The following SLIT3 variants were observed in gnomAD, a reference collection of about 807,000 sequenced individuals.
The protein encoded by SLIT3 is slit guidance ligand 3, also known as slit homolog 3 protein.
Under a neutral mutation model 184.0 loss-of-function variants are expected in SLIT3, and 68 were observed. That is an observed-to-expected ratio of 0.37 (90% CI 0.30 to 0.45). The LOEUF (loss-of-function observed/expected upper bound fraction) is 0.45. SLIT3 is among the 20% of genes least tolerant of loss of function. SLIT3 has a pLI of 1.00. For missense variants in SLIT3, 1,707 were observed against 2,026.0 expected, an observed-to-expected ratio of 0.84 and a Z score of 3.02; for synonymous variants, 831 against 828.6, an observed-to-expected ratio of 1.00 and a Z score of -0.05.
intron 4 of SLIT3, among the ~76,000 whole-genome samples, chr5:168,926,808 A>G (rs1443250167): frequency 6.6e-6 from 1 of 152,196 alleles, no homozygotes; most frequent in East Asian, 1.9e-4. Context: ...CTAGGGAGAC[A>G]CAAATCACAA....
chr5:169,132,959 T>A (rs568771696), intron 4 of SLIT3, among the ~76,000 whole-genome samples: 5 of 152,218 alleles, frequency 3.3e-5, no homozygotes, highest in Non-Finnish European at 7.3e-5. Context: ...TTTCAAGCCA[T>A]TGCTTTTGTT....
At chr5:168,707,526 T>A (rs1215529585) in intron 26 of SLIT3, 2 of 163,102 alleles carry the variant, frequency 1.2e-5, no homozygotes, top group African/African-American at 4.8e-5. Context: ...CCAATCCCTA[T>A]ATTTACATCA....
chr5:169,286,680 A>T lies in SLIT3; in HGVS notation c.197+13833T>A, dbSNP rs140827696. On this transcript the variant is annotated intron_variant, in intron 1 of 35. Transcript: ENST00000519560. ...CATTCTTTCCACTACACCATGCTGC[A>T]GTTGCTAAAAATTCCCCAGAGCCGC... Among the ~76,000 whole-genome samples the T allele has an allele frequency of 5.2e-4, 79 of 152,304 alleles. No individual in the cohort carries two copies. In the East Asian group the frequency reaches 0.013, roughly 25 times the overall value.
intron 4 of SLIT3, among the ~76,000 whole-genome samples, chr5:169,069,178 G>A (rs1212707289): frequency 6.6e-6 from 1 of 152,210 alleles, no homozygotes; most frequent in Admixed American, 6.5e-5. Flanking sequence ...AGGAAAGTGA[G>A]TTTGGCACAT....
At chr5:169,193,276 G>A (rs172473) in intron 4 of SLIT3, among the ~76,000 whole-genome samples, 5,240 of 152,252 alleles carry the variant, frequency 0.034, 325 homozygotes, top group African/African-American at 0.12. Flanking sequence ...CATGCAAGCC[G>A]CTGATGTCTG....
chr5:169,282,567 A>AT (rs1309269584), intron 1 of SLIT3, among the ~76,000 whole-genome samples: 1 of 152,224 alleles, frequency 6.6e-6, no homozygotes, highest in African/African-American at 2.4e-5. Context: ...AAGTAATCAC[A>AT]TTTTTGTATA....
At chr5:169,148,267 C>T (rs960172882) in intron 4 of SLIT3, among the ~76,000 whole-genome samples, 1 of 152,160 alleles carries the variant, frequency 6.6e-6, no homozygotes, top group Non-Finnish European at 1.5e-5. Flanking sequence ...CAATGCCGGG[C>T]CCGTATTTAA....
intron 16 of SLIT3, among the ~76,000 whole-genome samples, chr5:168,760,049 C>T (rs1755090766): frequency 6.6e-6 from 1 of 152,194 alleles, no homozygotes. Context: ...TGAATGCCAG[C>T]TCGGGGACCC....
At chr5:168,870,799 C>T (rs1425867863) in intron 5 of SLIT3, among the ~76,000 whole-genome samples, 1 of 152,224 alleles carries the variant, frequency 6.6e-6, no homozygotes, top group Non-Finnish European at 1.5e-5. Flanking sequence ...ATCTTTATCA[C>T]TGTTGAAAAT....
intron 3 of SLIT3, among the ~76,000 whole-genome samples, chr5:169,216,050 G>A (rs552808738): frequency 6.4e-4 from 97 of 152,286 alleles, no homozygotes; most frequent in African/African-American, 2.3e-3. Flanking sequence ...TAAAGACAGG[G>A]CTGTGCCTTG....
chr5:169,074,496 A>G (rs966961437), intron 4 of SLIT3, among the ~76,000 whole-genome samples: 2 of 152,190 alleles, frequency 1.3e-5, no homozygotes, highest in Admixed American at 6.5e-5. Context: ...AAGTTTTTCA[A>G]TTAATAACTC....
intron 23 of SLIT3, 140 bp downstream of exon 23, chr5:168,722,116 C>A: frequency 1.4e-6 from 1 of 709,366 alleles, no homozygotes; most frequent in Non-Finnish European, 2.5e-6. Context: ...CTCCACTGAG[C>A]AAATAAGGGT....
intron 4 of SLIT3, among the ~76,000 whole-genome samples, chr5:169,000,070 A>G (rs892532506): frequency 1.5e-4 from 23 of 152,066 alleles, no homozygotes; most frequent in African/African-American, 5.6e-4. Context: ...ATTATTGACG[A>G]CAAAAAATCA....
intron 28 of SLIT3, among the ~76,000 whole-genome samples, chr5:168,695,934 G>T (rs941989858): frequency 1.3e-5 from 2 of 152,160 alleles, no homozygotes; most frequent in South Asian, 4.1e-4. Context: ...TTCAAGAGAC[G>T]GTTGACTAGA....
intron 1 of SLIT3, among the ~76,000 whole-genome samples, chr5:169,294,445 G>GA (rs397692422): frequency 2.0e-5 from 3 of 152,014 alleles, no homozygotes; most frequent in Admixed American, 2.0e-4. Context: ...TGCTGTGGGG[G>GA]CAGGACCAAG....
At chr5:168,844,529 A>T (rs370066163) in intron 6 of SLIT3, 55 bp downstream of exon 6, 1 of 1,502,776 alleles carries the variant, frequency 6.7e-7, no homozygotes. Context: ...ACAGACACAC[A>T]CACATACACA....
chr5:169,047,994 G>A (rs954031585), intron 4 of SLIT3, among the ~76,000 whole-genome samples: 1 of 152,048 alleles, frequency 6.6e-6, no homozygotes, highest in Non-Finnish European at 1.5e-5. Context: ...GGAGGAAGGA[G>A]GGGGAAAAAA....
chr5:168,796,443 G>A (rs1756568543), intron 9 of SLIT3, among the ~76,000 whole-genome samples: 1 of 152,116 alleles, frequency 6.6e-6, no homozygotes, highest in Non-Finnish European at 1.5e-5. Flanking sequence ...CTCTATTCGG[G>A]GTGATGAATG....
chr5:168,806,047 T>C (rs759651178), intron 9 of SLIT3, among the ~76,000 whole-genome samples: 1 of 151,348 alleles, frequency 6.6e-6, no homozygotes, highest in African/African-American at 2.4e-5. Context: ...CTAAGGGGAG[T>C]TTGCAAACTC....
Sources: allele counts gnomAD v4.1 joint callset (sites outside exome capture counted in the v4.1 genomes callset), GRCh38; gene constraint gnomAD v4.1.1; transcripts MANE v1.5; gene names NCBI Gene and HGNC (gene_info 2026-07-23, HGNC 2026-07-21).